MARCHF1: variants seen among roughly 807,000 people sequenced by gnomAD.
MARCHF1 encodes E3 ubiquitin-protein ligase MARCHF1.
MARCHF1 carries 40 observed loss-of-function variants against 54.2 expected under a neutral mutation model. The ratio of observed to expected loss-of-function variants is 0.74; its 90% CI spans 0.57 to 0.96. The LOEUF (loss-of-function observed/expected upper bound fraction) is 0.96. Ranked by LOEUF, MARCHF1 falls within the 40% of genes least tolerant of loss-of-function variation. MARCHF1 has a pLI of 0.00. For synonymous variants in MARCHF1, 236 were observed against 236.3 expected, an observed-to-expected ratio of 1.00 and a Z score of 0.01; for missense variants, 586 against 656.5, an observed-to-expected ratio of 0.89 and a Z score of 1.17.
chr4:163,555,769 G>A (rs542680773), intron 8 of MARCHF1: 55 of 303,466 alleles, frequency 1.8e-4, no homozygotes, highest in East Asian at 6.7e-4. Context: ...AACCCTTGCC[G>A]AGCGGACTCT....
chr4:164,076,493 C>T (rs1479476494), intron 2 of MARCHF1, among the ~76,000 whole-genome samples: 2 of 152,170 alleles, frequency 1.3e-5, no homozygotes, highest in East Asian at 3.9e-4. Flanking sequence ...ACAAGGATGC[C>T]CTCTCTCACC....
At chr4:164,270,840 A>G (rs1206852882) in intron 1 of MARCHF1, among the ~76,000 whole-genome samples, 2 of 152,182 alleles carry the variant, frequency 1.3e-5, no homozygotes, top group Non-Finnish European at 2.9e-5. Context: ...TCAAAATCTT[A>G]GCGTTCCTCT....
intron 5 of MARCHF1, among the ~76,000 whole-genome samples, chr4:163,627,802 T>G (rs1741923889): frequency 6.6e-6 from 1 of 151,914 alleles, no homozygotes; most frequent in African/African-American, 2.4e-5. Flanking sequence ...ATTAATTTAC[T>G]ACAAAGCTGC....
intron 2 of MARCHF1, among the ~76,000 whole-genome samples, chr4:164,025,678 C>T (rs529616175): frequency 6.7e-5 from 10 of 148,686 alleles, no homozygotes; most frequent in Non-Finnish European, 1.3e-4. Flanking sequence ...AAAAAAACAA[C>T]AAACCAGCCA....
intron 3 of MARCHF1, among the ~76,000 whole-genome samples, chr4:163,956,638 T>C (rs1012707115): frequency 6.6e-6 from 1 of 152,102 alleles, no homozygotes; most frequent in South Asian, 2.1e-4. Flanking sequence ...AAAATTGTAA[T>C]ATGAAGTGCA....
chr4:163,952,302 G>A, intron 3 of MARCHF1, among the ~76,000 whole-genome samples: 1 of 152,078 alleles, frequency 6.6e-6, no homozygotes, highest in East Asian at 1.9e-4. Flanking sequence ...CTAAACCAAA[G>A]ACATGTGAAA....
intron 2 of MARCHF1, among the ~76,000 whole-genome samples, chr4:164,053,255 C>T (rs1018706339): frequency 6.6e-6 from 1 of 151,824 alleles, no homozygotes; most frequent in Non-Finnish European, 1.5e-5. Flanking sequence ...AAAACAGTTA[C>T]CAATGACCAT....
chr4:163,966,147 C>A (rs1055867720), intron 3 of MARCHF1, among the ~76,000 whole-genome samples: 3 of 151,932 alleles, frequency 2.0e-5, no homozygotes, highest in African/African-American at 7.2e-5. Context: ...CTAAAATGTG[C>A]TATATTACAC....
rs148172766 is a variant in MARCHF1 at position 163,948,858 on chromosome 4, G to C, written c.-39+39643C>G. On this transcript the variant is annotated intron_variant, in intron 3 of 9. Coordinates refer to ENST00000514618, the MANE Select transcript of MARCHF1 (RefSeq NM_001394959.1). ...TGAATAAAAGCTTTAAAAAGACAAT[G>C]ATTACTACAACAAGTTGAAGGGTGA... Among the ~76,000 whole-genome samples, 1,087 of 152,324 alleles carry C rather than the reference G, an allele frequency of 7.1e-3. 15 individuals carry two copies. The highest frequency in any genetic ancestry group is 8.4e-3 in the Non-Finnish European group (574 of 68,024).
At chr4:164,213,167 A>G (rs1355476009) in intron 1 of MARCHF1, among the ~76,000 whole-genome samples, 2 of 150,998 alleles carry the variant, frequency 1.3e-5, no homozygotes, top group African/African-American at 4.8e-5. Context: ...TAAATTTTCA[A>G]TAATGCCTTT....
At chr4:164,380,928 T>C (rs1179521035) in intron 1 of MARCHF1, among the ~76,000 whole-genome samples, 1 of 152,178 alleles carries the variant, frequency 6.6e-6, no homozygotes, top group Non-Finnish European at 1.5e-5. Context: ...CTTCATTGAG[T>C]TTAAGACACA....
At chr4:164,011,816 T>C (rs1205306913) in intron 2 of MARCHF1, among the ~76,000 whole-genome samples, 4 of 152,172 alleles carry the variant, frequency 2.6e-5, no homozygotes, top group Non-Finnish European at 4.4e-5. Context: ...AAAGAGGTAT[T>C]GAAGAGAGTA....
intron 5 of MARCHF1, among the ~76,000 whole-genome samples, chr4:163,620,020 T>C (rs1248677371): frequency 6.6e-6 from 1 of 152,168 alleles, no homozygotes; most frequent in East Asian, 1.9e-4. Context: ...GCATATATGA[T>C]AGCCAAATAG....
At position 163,837,659 on chromosome 4, in the gene MARCHF1, T is replaced by C. The variant is rs1040568563; in HGVS notation, c.111+16362A>G. Reference sequence around the variant, plus strand: ...AAATTTTATGCAACTAATACATAGCTTCAAAATATAAAGAAAACAAATTAA... The same window carrying C: ...AAATTTTATGCAACTAATACATAGCCTCAAAATATAAAGAAAACAAATTAA... On this transcript the variant is annotated intron_variant, in intron 4 of 9. Transcript: ENST00000514618. Among the ~76,000 whole-genome samples, 10 of 14,160 alleles carry C rather than the reference T, an allele frequency of 7.1e-4. No individual in the cohort carries two copies. The East Asian group carries it at 0.025, about 36-fold the overall frequency. The allele number at this position is 14,160 out of a possible 152,430, so 9.3% of individuals were successfully genotyped here.
intron 8 of MARCHF1, among the ~76,000 whole-genome samples, chr4:163,558,091 C>T (rs1332051383): frequency 6.6e-6 from 1 of 152,028 alleles, no homozygotes; most frequent in Admixed American, 6.6e-5. Flanking sequence ...AGAGATTTGT[C>T]TGAAGAAACT....
At chr4:164,124,422 G>T (rs1420671722) in intron 1 of MARCHF1, among the ~76,000 whole-genome samples, 1 of 152,116 alleles carries the variant, frequency 6.6e-6, no homozygotes, top group Non-Finnish European at 1.5e-5. Context: ...CAATCCCACT[G>T]CTGGGTATAC....
chr4:164,241,174 C>A (rs1043568614), intron 1 of MARCHF1, among the ~76,000 whole-genome samples: 11 of 152,174 alleles, frequency 7.2e-5, no homozygotes, highest in African/African-American at 2.7e-4. Flanking sequence ...CAGAAACTGA[C>A]TCAGCCTTCG....
At chr4:163,791,411 G>A (rs1747771047) in intron 4 of MARCHF1, among the ~76,000 whole-genome samples, 2 of 152,088 alleles carry the variant, frequency 1.3e-5, no homozygotes, top group Admixed American at 6.6e-5. Context: ...AATTATGTAT[G>A]AGACTCATAA....
intron 4 of MARCHF1, among the ~76,000 whole-genome samples, chr4:163,729,810 C>A (rs918116189): frequency 6.6e-6 from 1 of 152,082 alleles, no homozygotes; most frequent in Non-Finnish European, 1.5e-5. Context: ...ATTGAGGATT[C>A]CTTACATGTG....
Sources: allele counts gnomAD v4.1 joint callset (sites outside exome capture counted in the v4.1 genomes callset), GRCh38; gene constraint gnomAD v4.1.1; transcripts MANE v1.5; gene names NCBI Gene and HGNC (gene_info 2026-07-23, HGNC 2026-07-21).